PRKCA: variants seen among roughly 807,000 people sequenced by gnomAD.
PRKCA encodes protein kinase C alpha.
A neutral mutation model predicts 87.0 loss-of-function variants in PRKCA; 27 were observed. The observed-to-expected ratio is 0.31, with a 90% CI of 0.23 to 0.43. PRKCA has a LOEUF of 0.43. Among genes scored for constraint, PRKCA ranks in the 20% least tolerant of loss-of-function variants. The pLI, the probability that PRKCA is intolerant of heterozygous loss-of-function variation, is 1.00. For synonymous variants in PRKCA, 329 were observed against 311.1 expected (o/e 1.06, Z -0.61); for missense variants, 518 against 852.3 (o/e 0.61, Z 4.88).
At chr17:66,417,641 C>G (rs1912233949) in intron 2 of PRKCA, among the ~76,000 whole-genome samples, 1 of 152,168 alleles carries the variant, frequency 6.6e-6, no homozygotes, top group Non-Finnish European at 1.5e-5. Flanking sequence ...AGGAGGGTCC[C>G]TCTGCCTCCA....
intron 13 of PRKCA, among the ~76,000 whole-genome samples, chr17:66,772,352 C>G (rs897985877): frequency 2.0e-5 from 3 of 152,146 alleles, no homozygotes; most frequent in Admixed American, 6.5e-5. Context: ...CTTGTTTACC[C>G]TTGTTACTGC....
rs548446013 is a variant in PRKCA at position 66,634,422 on chromosome 17, C to T, written c.289-6933C>T. ...TCCACTTAATGACAGGCTGCCAGTTCCTGGAGAACTAAAAAGGAAGACTAA... is the reference window on the plus strand; with the variant it reads ...TCCACTTAATGACAGGCTGCCAGTTTCTGGAGAACTAAAAAGGAAGACTAA... On this transcript the variant is annotated intron_variant, in intron 3 of 16. Coordinates refer to ENST00000413366, the MANE Select transcript of PRKCA (RefSeq NM_002737.3). Among the ~76,000 whole-genome samples, 10 of 152,228 alleles carry T rather than the reference C, an allele frequency of 6.6e-5. No homozygotes were observed. The East Asian group carries it at 1.9e-3, about 29-fold the overall frequency.
intron 3 of PRKCA, among the ~76,000 whole-genome samples, chr17:66,499,261 A>G (rs1253387425): frequency 2.0e-5 from 3 of 152,056 alleles, no homozygotes; most frequent in South Asian, 4.1e-4. Flanking sequence ...AACATGTTGC[A>G]TGGGAGAGGA....
At chr17:66,504,810 G>A (rs1916899981) in intron 3 of PRKCA, among the ~76,000 whole-genome samples, 1 of 152,014 alleles carries the variant, frequency 6.6e-6, no homozygotes, top group African/African-American at 2.4e-5. Context: ...TGCTCATGTT[G>A]GCCCATGGGA....
chr17:66,666,395 A>G (rs1248054100), intron 5 of PRKCA, among the ~76,000 whole-genome samples: 1 of 152,186 alleles, frequency 6.6e-6, no homozygotes, highest in Non-Finnish European at 1.5e-5. Context: ...GACCTGTGTC[A>G]TAGGCTCTGC....
Position 66,735,476 on chromosome 17 carries a change from G to A in PRKCA, c.1057-13G>A, listed in dbSNP as rs1974002595. The A allele has an allele frequency of 1.2e-6, 2 of 1,614,158 alleles. No homozygotes were observed. Among genetic ancestry groups the A allele is most frequent in the Non-Finnish European group, 8.5e-7 (1 of 1,180,024 alleles). On this transcript the variant is annotated splice_polypyrimidine_tract_variant and intron_variant, in intron 9 of 16. Coordinates refer to ENST00000413366, the MANE Select transcript of PRKCA (RefSeq NM_002737.3). ...GCTTACAAGTGTTCAGGTTGTTCTT[G>A]ACGTGTTCTCAGGTGATGCTTGCCG...
chr17:66,745,865 C>T (rs1974267891), intron 13 of PRKCA, among the ~76,000 whole-genome samples: 1 of 152,102 alleles, frequency 6.6e-6, no homozygotes. Flanking sequence ...AGGTCACCTC[C>T]AAACCTTTGC....
At position 66,687,277 on chromosome 17, in the gene PRKCA, C is replaced by T; in HGVS notation, c.686+10C>T. 1.9e-6 allele frequency: 3 copies of T among 1,611,574 alleles called. No homozygotes were observed. Among genetic ancestry groups the T allele is most frequent in the East Asian group, 2.2e-5 (1 of 44,860 alleles). Reference sequence around the variant, plus strand: ...ATGAGTCCTTTACATTGTAAGTGGTCTCTCCTTGATCAAATTTCATTCCTA... The same window carrying T: ...ATGAGTCCTTTACATTGTAAGTGGTTTCTCCTTGATCAAATTTCATTCCTA... On this transcript the variant is annotated intron_variant, in intron 6 of 16. Transcript: ENST00000413366.
At chr17:66,363,000 C>A (rs187900564) in intron 2 of PRKCA, among the ~76,000 whole-genome samples, 1 of 152,102 alleles carries the variant, frequency 6.6e-6, no homozygotes, top group African/African-American at 2.4e-5. Flanking sequence ...GGCTGCCTTG[C>A]GGGCTTTTAG....
At chr17:66,491,402 G>A (rs1227682382) in intron 2 of PRKCA, among the ~76,000 whole-genome samples, 1 of 152,140 alleles carries the variant, frequency 6.6e-6, no homozygotes, top group Admixed American at 6.5e-5. Context: ...GCCAAGGGGG[G>A]CCCCCACGAC....
At chr17:66,547,139 A>G (rs1042800608) in intron 3 of PRKCA, among the ~76,000 whole-genome samples, 8 of 152,146 alleles carry the variant, frequency 5.3e-5, no homozygotes, top group East Asian at 1.9e-4. Context: ...TCACTTAGGT[A>G]TCGTGTTTAT....
At chr17:66,574,853 A>C (rs554073370) in intron 3 of PRKCA, among the ~76,000 whole-genome samples, 1 of 152,376 alleles carries the variant, frequency 6.6e-6, no homozygotes, top group South Asian at 2.1e-4. Flanking sequence ...GCACAGTAAG[A>C]GATTAACAAC....
chr17:66,555,656 G>A (rs1452218670), intron 3 of PRKCA, among the ~76,000 whole-genome samples: 6 of 152,078 alleles, frequency 3.9e-5, no homozygotes, highest in Non-Finnish European at 8.8e-5. Flanking sequence ...TTACACTACT[G>A]GAAAACAACT....
At chr17:66,559,522 C>T (rs987783162) in intron 3 of PRKCA, among the ~76,000 whole-genome samples, 2 of 144,596 alleles carry the variant, frequency 1.4e-5, no homozygotes, top group Non-Finnish European at 3.0e-5. Context: ...CCAGTACCCT[C>T]ATCTTAGAGT....
chr17:66,619,226 G>T (rs1970604087), intron 3 of PRKCA, among the ~76,000 whole-genome samples: 1 of 152,156 alleles, frequency 6.6e-6, no homozygotes, highest in African/African-American at 2.4e-5. Flanking sequence ...ATGGGCGTCA[G>T]AGCTGTTTCC....
intron 11 of PRKCA, among the ~76,000 whole-genome samples, chr17:66,739,863 T>C (rs1315287172): frequency 6.6e-6 from 1 of 151,924 alleles, no homozygotes; most frequent in Non-Finnish European, 1.5e-5. Flanking sequence ...GCAGTGGGGC[T>C]TGCACCATCA....
chr17:66,754,061 T>C (rs962149587), intron 13 of PRKCA, among the ~76,000 whole-genome samples: 5 of 152,070 alleles, frequency 3.3e-5, no homozygotes, highest in Admixed American at 1.3e-4. Context: ...ATAAAGGCTG[T>C]GTGAGTCTTA....
chr17:66,686,239 C>G (rs1306450204), intron 5 of PRKCA, among the ~76,000 whole-genome samples: 1 of 152,154 alleles, frequency 6.6e-6, no homozygotes, highest in Non-Finnish European at 1.5e-5. Flanking sequence ...AGCCTGTTTT[C>G]CTCTGTGGAT....
intron 2 of PRKCA, among the ~76,000 whole-genome samples, chr17:66,363,258 GTTATT>G (rs988550210): frequency 6.6e-6 from 1 of 152,132 alleles, no homozygotes; most frequent in African/African-American, 2.4e-5. Context: ...TTATTGTTTT[GTTATT>G]TTATTTAGTC....
Sources: gnomAD v4.1 joint callset for allele counts (sites outside exome capture counted in the v4.1 genomes callset) on GRCh38, gnomAD v4.1.1 for gene constraint, MANE v1.5 for transcripts, NCBI Gene and HGNC (gene_info 2026-07-23, HGNC 2026-07-21) for gene names.